DNAJC16: variants seen among roughly 807,000 people sequenced by gnomAD.
The protein encoded by DNAJC16 is dnaJ homolog subfamily C member 16.
In DNAJC16, 76 loss-of-function variants were observed where a neutral mutation model predicts 92.7. The ratio of observed to expected loss-of-function variants is 0.82; its 90% CI spans 0.68 to 0.99. The LOEUF is 0.99. Among genes scored for constraint, DNAJC16 ranks in the 50% least tolerant of loss-of-function variants. The probability of loss-of-function intolerance (pLI) is 0.00; values close to 1 mark genes in which losing one functional copy is unlikely to be tolerated. For missense variants in DNAJC16, 869 were observed against 942.4 expected, an observed-to-expected ratio of 0.92 and a Z score of 1.02; for synonymous variants, 328 against 358.7, an observed-to-expected ratio of 0.91 and a Z score of 0.97.
intron 8 of DNAJC16, among the ~76,000 whole-genome samples, chr1:15,559,958 G>C (rs1427862444): frequency 6.6e-6 from 1 of 151,780 alleles, no homozygotes; most frequent in Non-Finnish European, 1.5e-5. Context: ...AGCTACTAGG[G>C]AGGCTGAGGC....
At chr1:15,529,056 A>G (rs1710590078) in intron 1 of DNAJC16, 32 bp from the exon 2 acceptor site, 1 of 1,596,756 alleles carries the variant, frequency 6.3e-7, no homozygotes, top group Non-Finnish European at 8.6e-7. Flanking sequence ...GGTTTCTGCC[A>G]CTGAAACTCA....
intron 2 of DNAJC16, among the ~76,000 whole-genome samples, chr1:15,529,699 A>G (rs1358586388): frequency 6.6e-6 from 1 of 152,196 alleles, no homozygotes; most frequent in Non-Finnish European, 1.5e-5. Context: ...ACACTTTGAA[A>G]AAAAGTTAAG....
intron 11 of DNAJC16, chr1:15,565,620 C>T (rs1367670483): frequency 1.0e-5 from 3 of 299,890 alleles, no homozygotes; most frequent in Non-Finnish European, 1.8e-5. Context: ...TCCATGTTTA[C>T]ACCTTAAGTC....
In DNAJC16 at chr1:15,534,260, C is replaced by G; in HGVS notation, c.191C>G (p.Pro64Arg). ...AGGCATCCTGACAAAAACAAAGATC[C>G]TGGAGCAGAAGACAAGTTCATTCAA... ...REWHPDKNKD[P>R]GAEDKFIQIS... The change falls in exon 3 of 15, where the codon CCT (proline) becomes CGT (arginine). Residue 64 changes from proline (P) to arginine (R), a missense_variant. Pro to Arg is a moderately radical substitution (Grantham distance 103, BLOSUM62 -2). Coordinates refer to ENST00000375847, the MANE Select transcript of DNAJC16 (RefSeq NM_015291.4). The G allele has an allele frequency of 1.2e-6, 2 of 1,614,062 alleles. No individual in the cohort carries two copies. The highest frequency in any genetic ancestry group is 1.7e-6 in the Non-Finnish European group (2 of 1,179,980).
In DNAJC16 at chr1:15,543,338, G is replaced by A. The variant is rs143743338; in HGVS notation, c.575-1061G>A. On this transcript the variant is annotated intron_variant, in intron 4 of 14. Coordinates refer to ENST00000375847, the MANE Select transcript of DNAJC16 (RefSeq NM_015291.4). ...TGAAGTTGGTAAAGAAGTCAGCTAC[G>A]CAGAAGTCACGGAGATGCACACTTC... Among the ~76,000 whole-genome samples the A allele has an allele frequency of 9.4e-3, 1,429 of 152,318 alleles. 11 individuals carry two copies. Among genetic ancestry groups the A allele is most frequent in the Non-Finnish European group, 0.013 (907 of 68,030 alleles).
chr1:15,529,615 CATAAAGTA>C (rs561490521), intron 2 of DNAJC16, among the ~76,000 whole-genome samples: 214 of 152,116 alleles, frequency 1.4e-3, no homozygotes, highest in African/African-American at 5.1e-3. Context: ...ATACATTATT[CATAAAGTA>C]ACTTTATGAG....
At chr1:15,542,874 T>C (rs1710965171) in intron 4 of DNAJC16, among the ~76,000 whole-genome samples, 1 of 152,180 alleles carries the variant, frequency 6.6e-6, no homozygotes, top group African/African-American at 2.4e-5. Context: ...GGCAGGAAGA[T>C]CGCTTGAGCC....
chr1:15,544,338 A>C, intron 4 of DNAJC16, 61 bp from the exon 5 acceptor site: 1 of 1,496,540 alleles, frequency 6.7e-7, no homozygotes, highest in South Asian at 1.4e-5. Context: ...ATTACTTAGC[A>C]CTTTTTCCAG....
At chr1:15,564,545 C>T (rs1466794099) in intron 11 of DNAJC16, among the ~76,000 whole-genome samples, 186 bp downstream of exon 11, 2 of 142,448 alleles carry the variant, frequency 1.4e-5, no homozygotes, top group Admixed American at 1.4e-4. Context: ...TTATTTTTTA[C>T]TTTTTTTTTT....
intron 7 of DNAJC16, among the ~76,000 whole-genome samples, chr1:15,559,227 C>T (rs1265112463): frequency 3.9e-5 from 6 of 152,176 alleles, no homozygotes; most frequent in African/African-American, 1.4e-4. Flanking sequence ...TGTGAGCCAC[C>T]ACGTCCGGCC....
intron 5 of DNAJC16, among the ~76,000 whole-genome samples, chr1:15,546,221 C>T (rs560180761): frequency 1.3e-5 from 2 of 152,214 alleles, no homozygotes; most frequent in South Asian, 4.1e-4. Context: ...GGGAGGATCA[C>T]TTGATCCTGG....
At chr1:15,566,984 G>A (rs1638824601) in intron 13 of DNAJC16, 115 bp from the exon 14 acceptor site, 1 of 979,290 alleles carries the variant, frequency 1.0e-6, no homozygotes, top group Non-Finnish European at 1.5e-6. Flanking sequence ...CAAGAATAGT[G>A]AATAACATAC....
chr1:15,529,916 C>T (rs1025738273), intron 2 of DNAJC16, among the ~76,000 whole-genome samples: 35 of 152,072 alleles, frequency 2.3e-4, no homozygotes, highest in African/African-American at 6.5e-4. Context: ...CTTATAATAC[C>T]TAATACAATG....
intron 7 of DNAJC16, among the ~76,000 whole-genome samples, chr1:15,551,112 C>T (rs564206075): frequency 4.1e-4 from 62 of 152,296 alleles, no homozygotes; most frequent in Middle Eastern, 6.8e-3. Flanking sequence ...TCAGGTGATC[C>T]GCCCACCTCA....
At chr1:15,548,628 CCTTTAAAGGGCTCCTGTT>C (rs1638369127) in intron 7 of DNAJC16, among the ~76,000 whole-genome samples, 200 bp downstream of exon 7, 1 of 152,020 alleles carries the variant, frequency 6.6e-6, no homozygotes, top group Admixed American at 6.6e-5. Flanking sequence ...AATTTTAGCA[CCTTTAAAGGGCTCCTGTT>C]GGAAAACCAA....
intron 8 of DNAJC16, 49 bp from the exon 9 acceptor site, chr1:15,562,093 G>A: frequency 1.3e-6 from 2 of 1,574,290 alleles, no homozygotes; most frequent in Non-Finnish European, 1.7e-6. Context: ...ATAGGTGCTG[G>A]CCCTGCCATC....
At chr1:15,557,200 G>A (rs1638588281) in intron 7 of DNAJC16, among the ~76,000 whole-genome samples, 1 of 152,198 alleles carries the variant, frequency 6.6e-6, no homozygotes, top group South Asian at 2.1e-4. Context: ...AAGACTTTAT[G>A]TGAGATTGTC....
chr1:15,552,462 C>T (rs986489849), intron 7 of DNAJC16, among the ~76,000 whole-genome samples: 6 of 151,912 alleles, frequency 3.9e-5, no homozygotes, highest in African/African-American at 1.4e-4. Flanking sequence ...GCACTCCAGC[C>T]TGGGCGACAG....
rs533501444 is a variant in DNAJC16 at position 15,564,521 on chromosome 1, A to C, written c.1598+162A>C. 2.0e-5 allele frequency among the ~76,000 whole-genome samples: 3 copies of C among 150,990 alleles called. No homozygotes were observed. The South Asian group carries it at 6.3e-4, about 32-fold the overall frequency. Reference sequence around the variant, plus strand: ...TATTCCCCTTTTTCTTTCTTTCAGTAACTTCCCTTTTTTTTATTTTTTACT... The same window carrying C: ...TATTCCCCTTTTTCTTTCTTTCAGTCACTTCCCTTTTTTTTATTTTTTACT... On this transcript the variant is annotated intron_variant, in intron 11 of 14. Coordinates refer to ENST00000375847, the MANE Select transcript of DNAJC16 (RefSeq NM_015291.4).
Sources: gnomAD v4.1 joint callset for allele counts (sites outside exome capture counted in the v4.1 genomes callset) on GRCh38, gnomAD v4.1.1 for gene constraint, MANE v1.5 for transcripts, NCBI Gene and HGNC (gene_info 2026-07-23, HGNC 2026-07-21) for gene names.